SLC11A2: variants seen among roughly 807,000 people sequenced by gnomAD.
SLC11A2 encodes the protein natural resistance-associated macrophage protein 2.
In SLC11A2, 38 loss-of-function variants were observed where a neutral mutation model predicts 68.0. The observed-to-expected ratio is 0.56, with a 90% CI of 0.43 to 0.73. SLC11A2 has a LOEUF of 0.73. Ranked by LOEUF, SLC11A2 falls within the 30% of genes least tolerant of loss-of-function variation. The pLI, the probability that SLC11A2 is intolerant of heterozygous loss-of-function variation, is 0.00. For synonymous variants in SLC11A2, 242 were observed against 250.6 expected (o/e 0.97, Z 0.32); for missense variants, 517 against 690.5 (o/e 0.75, Z 2.82).
intron 4 of SLC11A2, 77 bp downstream of exon 4, chr12:51,005,234 C>G (rs1942619044): frequency 1.3e-6 from 2 of 1,503,990 alleles, no homozygotes; most frequent in Admixed American, 3.3e-5. Flanking sequence ...AGGCTACTAT[C>G]CAACATGCAG....
chr12:51,025,972 G>C, intron 1 of SLC11A2: 1 of 1,018,302 alleles, frequency 9.8e-7, no homozygotes, highest in Non-Finnish European at 1.2e-6. Flanking sequence ...AAGCAGGTCA[G>C]CGCACCCCGA....
At chr12:51,002,768 C>G (rs2136264543) in intron 5 of SLC11A2, among the ~76,000 whole-genome samples, 1 of 150,028 alleles carries the variant, frequency 6.7e-6, no homozygotes, top group African/African-American at 2.5e-5. Context: ...AGTGAAACCT[C>G]ATCTCTACTA....
At chr12:50,988,500 A>T in intron 15 of SLC11A2, 65 bp from the exon 16 acceptor site, 1 of 1,608,666 alleles carries the variant, frequency 6.2e-7, no homozygotes, top group Non-Finnish European at 8.5e-7. Context: ...CTCACACAGC[A>T]CTTCTCAAAT....
intron 1 of SLC11A2, among the ~76,000 whole-genome samples, chr12:51,022,028 G>C (rs1228445741): frequency 3.9e-5 from 6 of 152,120 alleles, no homozygotes; most frequent in Non-Finnish European, 5.9e-5. Flanking sequence ...GGCTTAACCA[G>C]CTTCCAAATC....
At chr12:51,018,535 C>T (rs1273679188) in intron 1 of SLC11A2, among the ~76,000 whole-genome samples, 1 of 151,768 alleles carries the variant, frequency 6.6e-6, no homozygotes, top group Admixed American at 6.6e-5. Context: ...TGGCTCAAGC[C>T]TGTAATCCTA....
At chr12:50,974,822 G>A (rs1222653992), downstream of SLC11A2, among the ~76,000 whole-genome samples, 4 of 151,824 alleles carry the variant, frequency 2.6e-5, no homozygotes, top group Non-Finnish European at 4.4e-5. Flanking sequence ...AAAACAAAAA[G>A]AGGCAGGGGT....
intron 11 of SLC11A2, 93 bp from the exon 12 acceptor site, chr12:50,993,022 T>G: frequency 6.8e-7 from 1 of 1,465,468 alleles, no homozygotes; most frequent in Non-Finnish European, 9.5e-7. Context: ...TCTCCCTTCT[T>G]TGCTATGCAC....
At chr12:50,979,444 G>C (rs12817386), downstream of SLC11A2, 25,100 of 163,496 alleles carry the variant, frequency 0.15, 2,147 homozygotes, top group South Asian at 0.27. Flanking sequence ...TTTTACCTTC[G>C]TTTCCCCAAC....
At chr12:50,985,264 C>T (rs758264958), downstream of SLC11A2, among the ~76,000 whole-genome samples, 2 of 152,178 alleles carry the variant, frequency 1.3e-5, no homozygotes, top group Non-Finnish European at 2.9e-5. Context: ...AGGATCCTCA[C>T]ATTGTTTTGA....
At position 50,986,217 on chromosome 12, in the gene SLC11A2, C is replaced by T. The variant is rs1375962346; in HGVS notation, c.*2108G>A. The T allele has an allele frequency of 2.3e-6, 3 of 1,282,804 alleles. No homozygotes were observed. Among genetic ancestry groups the T allele is most frequent in the Non-Finnish European group, 3.0e-6 (3 of 984,762 alleles). The allele number at this position is 1,282,804 out of a possible 1,614,324, so 79.5% of individuals were successfully genotyped here. A position where few individuals can be genotyped will look rare whatever the true frequency, so the allele number is the denominator to read the frequency against. ...ATTTATATAAAGTACAATTGTATAT[C>T]CTTAAACATTCCACATAAACACACT... On this transcript the variant is annotated 3_prime_UTR_variant, in exon 16 of 16. Transcript: ENST00000262052.
rs557503388 is a variant in SLC11A2, at chr12:50,994,678, A to G, written c.991-48T>C. 72 of 1,057,996 alleles carry G rather than the reference A, an allele frequency of 6.8e-5. No homozygotes were observed. The East Asian group carries it at 1.7e-3, about 24-fold the overall frequency. The allele number at this position is 1,057,996 out of a possible 1,614,324, so 65.5% of individuals were successfully genotyped here. Reference sequence around the variant, plus strand: ...AGCAACTTTTGTTTCAGAAGCAAGGACCAAATAAGAGCTCTCCTACATATC... The same window carrying G: ...AGCAACTTTTGTTTCAGAAGCAAGGGCCAAATAAGAGCTCTCCTACATATC... On this transcript the variant is annotated intron_variant, in intron 10 of 15. Transcript: ENST00000262052.
Position 50,992,857 on chromosome 12 carries a change from G to A in SLC11A2, c.1150C>T (p.Gln384Ter), listed in dbSNP as rs765454992. Reference sequence around the variant, plus strand: ...TAGGTTCCTGTCATGGTGGAGCTCTGTCCTGCAGCCAGGATCCCCACTGCC... The same window carrying A: ...TAGGTTCCTGTCATGGTGGAGCTCTATCCTGCAGCCAGGATCCCCACTGCC... ...IWAVGILAAG[Q>*]SSTMTGTYSG... The change falls in exon 12 of 16, where the codon CAG becomes TAG. Residue 384 changes from glutamine (Q) to a stop codon, truncating the protein, a stop_gained. Transcript: ENST00000262052. LOFTEE classifies it high-confidence loss of function. The A allele has an allele frequency of 3.1e-6, 5 of 1,613,808 alleles. No individual in the cohort carries two copies. The highest frequency in any genetic ancestry group is 3.4e-6 in the Non-Finnish European group (4 of 1,179,920).
the SLC11A2 span, among the ~76,000 whole-genome samples, chr12:50,972,688 C>T: frequency 4.6e-5 from 7 of 152,324 alleles, 1 homozygote; most frequent in South Asian, 6.2e-4. Flanking sequence ...CGAAGCAGGG[C>T]GAGGCATCGC....
the SLC11A2 span, among the ~76,000 whole-genome samples, chr12:50,963,311 A>G: frequency 6.9e-6 from 1 of 145,824 alleles, no homozygotes. Context: ...CGGAGGCTGC[A>G]GTGAACCAAA....
At chr12:50,993,121 C>T in intron 11 of SLC11A2, 192 bp from the exon 12 acceptor site, 1 of 616,142 alleles carries the variant, frequency 1.6e-6, no homozygotes, top group Non-Finnish European at 2.9e-6. Flanking sequence ...CTAAACTTTA[C>T]TGGATGCTCC....
rs1000346845 is a variant in SLC11A2 at position 51,005,398 on chromosome 12, G to A, written c.222C>T (p.Thr74=). The change falls in exon 4 of 16, where the codon ACC becomes ACT. Residue 74 remains threonine, a synonymous_variant. Coordinates refer to ENST00000262052, the MANE Select transcript of SLC11A2 (RefSeq NM_000617.3). ...CAATGCTCATAAGAAAACCTGGTCC[G>A]GTGAAAGCCCAGAGTTTACGAAAGC... ...CFSFRKLWAF[T]GPGFLMSIAY... is the part of the protein sequence containing the mutation. The A allele has an allele frequency of 5.0e-6, 8 of 1,613,858 alleles. No homozygotes were observed. In the African/African-American group the frequency reaches 5.3e-5, roughly 11 times the overall value.
intron 1 of SLC11A2, among the ~76,000 whole-genome samples, chr12:51,012,878 G>C (rs1943344641): frequency 6.6e-6 from 1 of 152,126 alleles, no homozygotes; most frequent in South Asian, 2.1e-4. Flanking sequence ...CCCTCTTTCA[G>C]TCAATGACAA....
At chr12:50,959,399 T>C in the SLC11A2 span, among the ~76,000 whole-genome samples, 2 of 151,908 alleles carry the variant, frequency 1.3e-5, no homozygotes, top group Non-Finnish European at 2.9e-5. Flanking sequence ...GGATTATAGG[T>C]GTGAGCCACT....
chr12:51,010,575 T>C, intron 2 of SLC11A2, 120 bp downstream of exon 2: 1 of 636,204 alleles, frequency 1.6e-6, no homozygotes, highest in Non-Finnish European at 2.9e-6. Flanking sequence ...GACTTTTGAA[T>C]GGAGTTGTTA....
Sources: allele counts gnomAD v4.1 joint callset (sites outside exome capture counted in the v4.1 genomes callset), GRCh38; gene constraint gnomAD v4.1.1; transcripts MANE v1.5; gene names NCBI Gene and HGNC (gene_info 2026-07-23, HGNC 2026-07-21).